ASTN2: variants seen among roughly 807,000 people sequenced by gnomAD.
The protein encoded by ASTN2 is astrotactin-2.
Under a neutral mutation model 139.8 loss-of-function variants are expected in ASTN2, and 54 were observed. The ratio of observed to expected loss-of-function variants is 0.39; its 90% CI spans 0.31 to 0.48. ASTN2 has a LOEUF of 0.48. ASTN2 is among the 20% of genes least tolerant of loss of function. The pLI is 0.95. For missense variants in ASTN2, 1,565 were observed against 1,725.1 expected (o/e 0.91, Z 1.64); for synonymous variants, 756 against 719.5 (o/e 1.05, Z -0.81).
At chr9:116,915,167 T>C (rs1834407336) in intron 10 of ASTN2, among the ~76,000 whole-genome samples, 1 of 152,170 alleles carries the variant, frequency 6.6e-6, no homozygotes, top group African/African-American at 2.4e-5. Context: ...TGCCATTGAA[T>C]ACAAAGCAAA....
intron 1 of ASTN2, among the ~76,000 whole-genome samples, chr9:117,347,638 A>G (rs1317851079): frequency 1.3e-5 from 2 of 152,210 alleles, no homozygotes; most frequent in African/African-American, 4.8e-5. Context: ...TTATGTAGAA[A>G]TATAAATATA....
At chr9:117,066,501 T>C (rs1303246159) in intron 5 of ASTN2, among the ~76,000 whole-genome samples, 1 of 149,648 alleles carries the variant, frequency 6.7e-6, no homozygotes, top group East Asian at 2.0e-4. Context: ...GTCTTTATAC[T>C]AGCATGACTT....
chr9:116,495,021 T>C (rs1849626507), intron 19 of ASTN2, among the ~76,000 whole-genome samples: 1 of 152,186 alleles, frequency 6.6e-6, no homozygotes, highest in Admixed American at 6.5e-5. Context: ...GCACCTGGCA[T>C]TAGAACTCTC....
At chr9:116,463,915 T>TTTTTG (rs1227472937) in intron 20 of ASTN2, among the ~76,000 whole-genome samples, 3 of 149,630 alleles carry the variant, frequency 2.0e-5, no homozygotes, top group Non-Finnish European at 4.5e-5. Context: ...TGTGTTTTTT[T>TTTTTG]TTTTTTTTTT....
At chr9:116,560,813 T>C (rs1020740535) in intron 19 of ASTN2, among the ~76,000 whole-genome samples, 6 of 152,152 alleles carry the variant, frequency 3.9e-5, no homozygotes, top group Admixed American at 2.6e-4. Flanking sequence ...TGCACAGAAT[T>C]TAAGTATCAA....
intron 1 of ASTN2, among the ~76,000 whole-genome samples, chr9:117,358,920 C>T (rs1417420452): frequency 1.3e-5 from 2 of 152,072 alleles, no homozygotes; most frequent in African/African-American, 2.4e-5. Flanking sequence ...CCCAACCAAA[C>T]TCACCTCTCA....
chr9:116,936,087 C>CACCAT, intron 10 of ASTN2, among the ~76,000 whole-genome samples: 1 of 125,282 alleles, frequency 8.0e-6, no homozygotes, highest in Non-Finnish European at 1.7e-5. Flanking sequence ...ATCACCACTA[C>CACCAT]CACCACCACA....
chr9:117,241,455 G>A (rs545418556), intron 2 of ASTN2, among the ~76,000 whole-genome samples: 14 of 152,122 alleles, frequency 9.2e-5, no homozygotes, highest in East Asian at 1.9e-4. Context: ...CACTGGTTTC[G>A]TGGAAGAAAA....
intron 3 of ASTN2, among the ~76,000 whole-genome samples, chr9:117,203,357 C>A (rs1254394189): frequency 1.3e-5 from 2 of 152,106 alleles, no homozygotes; most frequent in Admixed American, 1.3e-4. Flanking sequence ...ATTTGATCCT[C>A]TGTCCAGTTC....
In ASTN2 at chr9:117,060,459, AGGAAGGAAG is replaced by A. The variant is rs1253129486; in HGVS notation, c.1277-20503_1277-20495del. On this transcript the variant is annotated intron_variant, in intron 5 of 22. Transcript: ENST00000313400. ...GAGAGAGAGAGAAAGAAAGAAAGAA[AGGAAGGAAG>A]GAAGGAAGGAAGGAAGGAATGAAAG... Among the ~76,000 whole-genome samples, 67 of 88,648 alleles carry A rather than the reference AGGAAGGAAG, an allele frequency of 7.6e-4. 6 individuals carry two copies. Among genetic ancestry groups the A allele is most frequent in the South Asian group, 6.3e-3 (13 of 2,076 alleles). The allele number at this position is 88,648 out of a possible 152,430, so 58.2% of individuals were successfully genotyped here. A position where few individuals can be genotyped will look rare whatever the true frequency, so the allele number is the denominator to read the frequency against.
chr9:117,269,528 T>C (rs1834014367), intron 2 of ASTN2, among the ~76,000 whole-genome samples: 1 of 152,108 alleles, frequency 6.6e-6, no homozygotes, highest in Non-Finnish European at 1.5e-5. Flanking sequence ...AGGAAAAATG[T>C]CAACAATGGT....
chr9:116,561,010 T>G (rs184311533), intron 19 of ASTN2, among the ~76,000 whole-genome samples: 55 of 146,546 alleles, frequency 3.8e-4, no homozygotes, highest in African/African-American at 1.3e-3. Flanking sequence ...GATATCTAGA[T>G]GAACTCTGGG....
chr9:117,137,497 C>T (rs1829980694), intron 4 of ASTN2, among the ~76,000 whole-genome samples: 1 of 152,068 alleles, frequency 6.6e-6, no homozygotes. Flanking sequence ...GGAGCATTTC[C>T]AAAATTCTGT....
intron 1 of ASTN2, among the ~76,000 whole-genome samples, chr9:117,305,238 G>A (rs1834970417): frequency 6.6e-6 from 1 of 152,192 alleles, no homozygotes; most frequent in Non-Finnish European, 1.5e-5. Flanking sequence ...CAAATGTGGG[G>A]ACTGATCCCT....
intron 19 of ASTN2, among the ~76,000 whole-genome samples, chr9:116,521,809 A>AAAACAAACAAAC (rs3040262): frequency 9.9e-5 from 15 of 150,766 alleles, no homozygotes; most frequent in African/African-American, 3.2e-4. Context: ...ATCAGCAAGA[A>AAAACAAACAAAC]AAACAAACAA....
chr9:117,224,423 G>T (rs1361357159), intron 2 of ASTN2, among the ~76,000 whole-genome samples: 3 of 152,046 alleles, frequency 2.0e-5, no homozygotes, highest in Non-Finnish European at 2.9e-5. Flanking sequence ...AAGTAGTGGT[G>T]AAACCACTAC....
chr9:117,297,665 G>A (rs533189326), intron 1 of ASTN2, among the ~76,000 whole-genome samples: 22 of 152,304 alleles, frequency 1.4e-4, no homozygotes, highest in Admixed American at 1.3e-3. Flanking sequence ...ACCACCCTAG[G>A]CCTGAAGGGG....
chr9:116,645,395 G>A (rs1210471746), intron 17 of ASTN2, among the ~76,000 whole-genome samples: 3 of 152,042 alleles, frequency 2.0e-5, no homozygotes, highest in African/African-American at 7.2e-5. Context: ...AACAGCACAA[G>A]GTATAATCAA....
chr9:117,305,637 A>T (rs1834979669), intron 1 of ASTN2, among the ~76,000 whole-genome samples: 2 of 152,238 alleles, frequency 1.3e-5, no homozygotes, highest in Admixed American at 1.3e-4. Flanking sequence ...GAAGGCAAGC[A>T]CTGGTTTGTC....
Sources: gnomAD v4.1 joint callset for allele counts (sites outside exome capture counted in the v4.1 genomes callset) on GRCh38, gnomAD v4.1.1 for gene constraint, MANE v1.5 for transcripts, NCBI Gene and HGNC (gene_info 2026-07-23, HGNC 2026-07-21) for gene names.